Variants in EPM2A observed in about 807,000 individuals in gnomAD.
The protein encoded by EPM2A is EPM2A glucan phosphatase, laforin.
EPM2A carries 21 observed loss-of-function variants against 26.5 expected under a neutral mutation model. The observed-to-expected ratio is 0.79, with a 90% CI of 0.56 to 1.14. The LOEUF (loss-of-function observed/expected upper bound fraction) is 1.14, where lower values mean the gene tolerates loss of function less well. EPM2A is among the 50% of genes most tolerant of loss of function. The pLI, the probability that EPM2A is intolerant of heterozygous loss-of-function variation, is 0.00. For synonymous variants in EPM2A, 217 were observed against 177.6 expected, an observed-to-expected ratio of 1.22 and a Z score of -1.76; for missense variants, 458 against 440.8, an observed-to-expected ratio of 1.04 and a Z score of -0.35.
chr6:145,619,700 C>G (rs1775590430), intron 2 of EPM2A, among the ~76,000 whole-genome samples: 1 of 151,780 alleles, frequency 6.6e-6, no homozygotes, highest in Admixed American at 6.6e-5. Context: ...TCTTTTTTGC[C>G]TTCCTCACAA....
chr6:145,650,059 C>T (rs150893423), intron 2 of EPM2A, among the ~76,000 whole-genome samples: 3 of 151,898 alleles, frequency 2.0e-5, no homozygotes, highest in South Asian at 4.2e-4. Flanking sequence ...TGGAGGCTCT[C>T]GATGATAAGG....
intron 2 of EPM2A, among the ~76,000 whole-genome samples, chr6:145,665,440 T>C (rs1161086605): frequency 1.9e-5 from 2 of 103,118 alleles, no homozygotes; most frequent in African/African-American, 8.3e-5. Context: ...CCTCGACACA[T>C]ACACTCTCCC....
At chr6:145,535,451 G>A (rs1780418503) in intron 2 of EPM2A, among the ~76,000 whole-genome samples, 1 of 152,164 alleles carries the variant, frequency 6.6e-6, no homozygotes, top group African/African-American at 2.4e-5. Flanking sequence ...GGATCTGATT[G>A]TAGGTATTTT....
At chr6:145,422,178 T>G (rs1335342832) in intron 4 of EPM2A, among the ~76,000 whole-genome samples, 1 of 145,900 alleles carries the variant, frequency 6.9e-6, no homozygotes, top group Non-Finnish European at 1.5e-5. Context: ...ATTATAAAAT[T>G]TTTACATAAA....
intron 4 of EPM2A, among the ~76,000 whole-genome samples, chr6:145,455,216 T>G (rs1779247482): frequency 6.6e-6 from 1 of 152,094 alleles, no homozygotes; most frequent in South Asian, 2.1e-4. Flanking sequence ...AAAATCAATA[T>G]ATATTAAATT....
chr6:145,541,708 A>T (rs1405324558), intron 2 of EPM2A, among the ~76,000 whole-genome samples: 1 of 152,156 alleles, frequency 6.6e-6, no homozygotes, highest in Non-Finnish European at 1.5e-5. Flanking sequence ...ACTTGCAATG[A>T]TGGCCATAAA....
At chr6:145,442,008 T>C (rs568399191) in intron 4 of EPM2A, among the ~76,000 whole-genome samples, 6 of 152,370 alleles carry the variant, frequency 3.9e-5, no homozygotes, top group Admixed American at 2.0e-4. Flanking sequence ...CACAAATCTC[T>C]AGGGCAGGGG....
chr6:145,707,730 T>C (rs574953590), intron 1 of EPM2A, among the ~76,000 whole-genome samples: 25 of 152,328 alleles, frequency 1.6e-4, no homozygotes, highest in Non-Finnish European at 2.9e-4. Flanking sequence ...TCCTTCCTTT[T>C]GTTATAAATT....
intron 4 of EPM2A, among the ~76,000 whole-genome samples, chr6:145,398,296 TCCCAA>T (rs1030645444): frequency 6.6e-6 from 1 of 152,174 alleles, no homozygotes; most frequent in African/African-American, 2.4e-5. Context: ...TCAAAGACAA[TCCCAA>T]AAGCTTGCCT....
intron 2 of EPM2A, among the ~76,000 whole-genome samples, chr6:145,564,528 T>C (rs937081274): frequency 2.0e-5 from 3 of 152,214 alleles, no homozygotes; most frequent in Non-Finnish European, 4.4e-5. Context: ...ATTTGGCCAC[T>C]GTATGATCAG....
intron 4 of EPM2A, among the ~76,000 whole-genome samples, chr6:145,391,363 G>A (rs1778334852): frequency 6.6e-6 from 1 of 152,092 alleles, no homozygotes; most frequent in Non-Finnish European, 1.5e-5. Flanking sequence ...AATAATTGGT[G>A]CCAGTTTACA....
At chr6:145,475,695 T>C (rs1779533767) in intron 4 of EPM2A, among the ~76,000 whole-genome samples, 1 of 152,060 alleles carries the variant, frequency 6.6e-6, no homozygotes, top group African/African-American at 2.4e-5. Context: ...TGTTCATTTG[T>C]TTATGCAAAT....
At chr6:145,458,710 A>C (rs1779292993) in intron 4 of EPM2A, among the ~76,000 whole-genome samples, 1 of 152,084 alleles carries the variant, frequency 6.6e-6, no homozygotes, top group South Asian at 2.1e-4. Flanking sequence ...GCACCTGTTT[A>C]CATGTATATG....
intron 2 of EPM2A, among the ~76,000 whole-genome samples, chr6:145,655,159 G>A (rs372429024): frequency 6.7e-5 from 10 of 149,634 alleles, no homozygotes; most frequent in African/African-American, 2.5e-4. Context: ...CAGGATCCTG[G>A]TATTTCAAAC....
chr6:145,394,668 G>A (rs754355516), intron 4 of EPM2A, among the ~76,000 whole-genome samples: 2 of 152,082 alleles, frequency 1.3e-5, no homozygotes, highest in Admixed American at 6.6e-5. Flanking sequence ...TTGACACCCT[G>A]TTGTGCCAGA....
intron 2 of EPM2A, chr6:145,671,311 CTT>C (rs1422737054): frequency 3.9e-6 from 4 of 1,028,232 alleles, no homozygotes; most frequent in East Asian, 9.3e-5. Context: ...GAGCTGGACT[CTT>C]GAGTTGAATG....
intron 2 of EPM2A, among the ~76,000 whole-genome samples, chr6:145,506,540 T>C (rs566291693): frequency 6.5e-4 from 99 of 151,794 alleles, no homozygotes; most frequent in Middle Eastern, 3.4e-3. Context: ...ATATATAAAA[T>C]CTATTAATTA....
intron 2 of EPM2A, among the ~76,000 whole-genome samples, chr6:145,538,031 T>C (rs1562374534): frequency 6.6e-6 from 1 of 152,078 alleles, no homozygotes; most frequent in Non-Finnish European, 1.5e-5. Flanking sequence ...GTTCCAAGTC[T>C]TTGCTATTGT....
At chr6:145,495,923 T>C (rs1480989110) in intron 4 of EPM2A, among the ~76,000 whole-genome samples, 1 of 152,206 alleles carries the variant, frequency 6.6e-6, no homozygotes, top group East Asian at 1.9e-4. Context: ...CAGTGTGTTC[T>C]TGTAATGGCT....
Sources: allele counts gnomAD v4.1 joint callset (sites outside exome capture counted in the v4.1 genomes callset), GRCh38; gene constraint gnomAD v4.1.1; transcripts MANE v1.5; gene names NCBI Gene and HGNC (gene_info 2026-07-23, HGNC 2026-07-21).